Variants in GRID1 observed in about 807,000 individuals in gnomAD.
GRID1 encodes glutamate receptor ionotropic, delta-1.
GRID1 carries 28 observed loss-of-function variants against 98.0 expected under a neutral mutation model. That is an observed-to-expected ratio of 0.29 (90% confidence interval 0.21 to 0.39). The LOEUF is 0.39. Ranked by LOEUF, GRID1 falls within the 10% of genes least tolerant of loss-of-function variation. GRID1 has a pLI of 1.00. For missense variants in GRID1, 1,111 were observed against 1,340.5 expected (o/e 0.83, Z 2.67); for synonymous variants, 553 against 538.5 (o/e 1.03, Z -0.37).
In GRID1 at chr10:86,192,383, C is replaced by T. The variant is rs1042626023; in HGVS notation, c.520+13981G>A. Among the ~76,000 whole-genome samples the T allele has an allele frequency of 6.6e-6, 1 of 152,146 alleles. No homozygotes were observed. The highest frequency in any genetic ancestry group is 2.4e-5 in the African/African-American group (1 of 41,426). ...AAAGGAAGGACGTTCTGATGCATGC[C>T]ACAGTGTGGAGGAAAGTAGAAAGCA... On this transcript the variant is annotated intron_variant, in intron 3 of 15. Coordinates refer to ENST00000327946, the MANE Select transcript of GRID1 (RefSeq NM_017551.3). The surrounding 1 kb of genome is among the most constrained non-coding windows in gnomAD (Gnocchi z 4.8).
chr10:85,864,496 G>A (rs775327389), intron 6 of GRID1, among the ~76,000 whole-genome samples: 2 of 152,160 alleles, frequency 1.3e-5, no homozygotes, highest in Non-Finnish European at 2.9e-5. Flanking sequence ...GAACACTTGC[G>A]CAATTGTCTC....
chr10:85,659,950 C>T lies in GRID1; in HGVS notation c.1998-12553G>A, dbSNP rs371869776. Among the ~76,000 whole-genome samples the T allele has an allele frequency of 4.6e-5, 7 of 152,344 alleles. No individual in the cohort carries two copies. In the East Asian group the frequency reaches 9.7e-4, roughly 21 times the overall value. On this transcript the variant is annotated intron_variant, in intron 12 of 15. Coordinates refer to ENST00000327946, the MANE Select transcript of GRID1 (RefSeq NM_017551.3). The stretch of plus-strand genomic sequence containing the variant: ...GCTGTTGATGCTAAGCTGTTCCAGG[C>T]CTGGATCTCCAAGATGCCTGAGCTA...
chr10:85,848,442 T>C (rs1255286632), intron 8 of GRID1, among the ~76,000 whole-genome samples: 1 of 152,150 alleles, frequency 6.6e-6, no homozygotes, highest in Admixed American at 6.5e-5. Flanking sequence ...AGTTGAGTAA[T>C]GTATTTCCAC....
chr10:86,276,435 T>A (rs980867948), intron 2 of GRID1, among the ~76,000 whole-genome samples: 3 of 152,142 alleles, frequency 2.0e-5, no homozygotes, highest in Admixed American at 2.0e-4. Context: ...CATTCTGAAG[T>A]ACTGTGTGTC....
chr10:86,144,105 T>A (rs1845050532), intron 3 of GRID1, among the ~76,000 whole-genome samples: 1 of 152,160 alleles, frequency 6.6e-6, no homozygotes, highest in African/African-American at 2.4e-5. Context: ...CTGGGGTTCT[T>A]TATCGCAGAA....
chr10:86,302,183 C>G (rs1281780499), intron 2 of GRID1, among the ~76,000 whole-genome samples: 2 of 152,350 alleles, frequency 1.3e-5, no homozygotes, highest in East Asian at 3.9e-4. Context: ...GTGGCCCAGC[C>G]TGGCAGGCAG....
chr10:86,043,027 G>A (rs569787138), intron 4 of GRID1, among the ~76,000 whole-genome samples: 67 of 152,066 alleles, frequency 4.4e-4, no homozygotes, highest in Non-Finnish European at 8.2e-4. Context: ...CAAGGCAGCA[G>A]CGAGCCGAGA....
chr10:85,603,689 C>T (rs1367026761), intron 15 of GRID1, among the ~76,000 whole-genome samples: 2 of 152,152 alleles, frequency 1.3e-5, no homozygotes, highest in African/African-American at 4.8e-5. Flanking sequence ...GCAGAGGAGC[C>T]ATATGAGCTT....
chr10:85,820,483 G>A (rs1432387298), intron 8 of GRID1, among the ~76,000 whole-genome samples: 1 of 152,136 alleles, frequency 6.6e-6, no homozygotes, highest in Admixed American at 6.5e-5. Context: ...ACTGCTCAAG[G>A]TCATCGCCAA....
chr10:85,741,554 G>A (rs1257490990), intron 8 of GRID1, among the ~76,000 whole-genome samples: 1 of 151,902 alleles, frequency 6.6e-6, no homozygotes, highest in Non-Finnish European at 1.5e-5. Flanking sequence ...CTATATCAGG[G>A]TACCATCATT....
In GRID1 at chr10:86,133,536, C is replaced by T. The variant is rs1564685551; in HGVS notation, c.726+5283G>A. On this transcript the variant is annotated intron_variant, in intron 4 of 15. Transcript: ENST00000327946. The stretch of plus-strand genomic sequence containing the variant: ...GGCAGCACTCTTAGGCAAATGTAAG[C>T]CTTCCCACTAGCCAAAGTTTTCAGA... Among the ~76,000 whole-genome samples, 2 of 152,232 alleles carry T rather than the reference C, an allele frequency of 1.3e-5. 1 individual carries two copies. Among genetic ancestry groups the T allele is most frequent in the East Asian group, 3.8e-4 (2 of 5,202 alleles).
At chr10:85,886,152 G>T (rs184083221) in intron 5 of GRID1, among the ~76,000 whole-genome samples, 1 of 152,184 alleles carries the variant, frequency 6.6e-6, no homozygotes, top group Non-Finnish European at 1.5e-5. Context: ...GAGACATAAG[G>T]GGGTTCTCCA....
intron 2 of GRID1, among the ~76,000 whole-genome samples, chr10:86,254,592 C>T (rs2814352): frequency 0.79 from 120,544 of 152,234 alleles, 48,492 homozygotes; most frequent in Non-Finnish European, 0.84. Context: ...CCCCATAGTG[C>T]GGGAGCCTGG....
At chr10:86,073,589 G>A (rs1276657166) in intron 4 of GRID1, among the ~76,000 whole-genome samples, 2 of 152,194 alleles carry the variant, frequency 1.3e-5, no homozygotes, top group African/African-American at 2.4e-5. Flanking sequence ...GGCTGGGCCC[G>A]GCCCTGCTGG....
intron 5 of GRID1, among the ~76,000 whole-genome samples, chr10:85,891,687 A>G (rs1019662015): frequency 6.6e-6 from 1 of 152,180 alleles, no homozygotes; most frequent in African/African-American, 2.4e-5. Flanking sequence ...GATCTGCATA[A>G]CAAAGCTCCA....
chr10:85,831,974 A>G (rs1267292093), intron 8 of GRID1, among the ~76,000 whole-genome samples: 1 of 152,126 alleles, frequency 6.6e-6, no homozygotes, highest in Non-Finnish European at 1.5e-5. Flanking sequence ...AATTTTAAAC[A>G]AAACAAAGTA....
intron 2 of GRID1, among the ~76,000 whole-genome samples, chr10:86,255,150 G>A (rs778429669): frequency 1.3e-5 from 2 of 152,232 alleles, no homozygotes; most frequent in Non-Finnish European, 2.9e-5. Context: ...GGAATCACAA[G>A]TATTTAAGAA....
At chr10:85,712,134 T>C (rs1414226341) in intron 12 of GRID1, among the ~76,000 whole-genome samples, 1 of 151,700 alleles carries the variant, frequency 6.6e-6, no homozygotes, top group Non-Finnish European at 1.5e-5. Context: ...AGAAATCAAA[T>C]AGCAAAATGG....
chr10:85,655,548 A>G (rs1840885101), intron 12 of GRID1, among the ~76,000 whole-genome samples: 1 of 152,176 alleles, frequency 6.6e-6, no homozygotes, highest in Admixed American at 6.5e-5. Context: ...CTGGGAGAAG[A>G]TCCAAGCTAA....
Sources: allele counts gnomAD v4.1 joint callset (sites outside exome capture counted in the v4.1 genomes callset), GRCh38; gene constraint gnomAD v4.1.1; non-coding constraint Gnocchi (gnomAD v3.1); transcripts MANE v1.5; gene names NCBI Gene and HGNC (gene_info 2026-07-23, HGNC 2026-07-21).